The following BTBD9 variants were observed in gnomAD, a reference collection of about 807,000 sequenced individuals.
BTBD9 encodes the protein BTB domain containing 9.
Under a neutral mutation model 64.3 loss-of-function variants are expected in BTBD9, and 49 were observed. The observed-to-expected ratio is 0.76, with a 90% CI of 0.61 to 0.97. The LOEUF is 0.97. Ranked by LOEUF, BTBD9 falls within the 50% of genes least tolerant of loss-of-function variation. The probability of loss-of-function intolerance (pLI) is 0.00; values close to 1 mark genes in which losing one functional copy is unlikely to be tolerated. For synonymous variants in BTBD9, 260 were observed against 274.7 expected, an observed-to-expected ratio of 0.95 and a Z score of 0.53; for missense variants, 598 against 762.1, an observed-to-expected ratio of 0.78 and a Z score of 2.53.
intron 6 of BTBD9, among the ~76,000 whole-genome samples, chr6:38,422,931 G>C (rs536458993): frequency 6.6e-6 from 1 of 152,144 alleles, no homozygotes; most frequent in Non-Finnish European, 1.5e-5. Flanking sequence ...GACCAGGTAA[G>C]TCAGATACAT....
chr6:38,216,236 A>G (rs1763004604), intron 9 of BTBD9, among the ~76,000 whole-genome samples: 1 of 152,194 alleles, frequency 6.6e-6, no homozygotes, highest in African/African-American at 2.4e-5. Context: ...CCCTTGGGGT[A>G]TCCATCTTTG....
At chr6:38,412,076 C>G (rs1377263062) in intron 6 of BTBD9, among the ~76,000 whole-genome samples, 1 of 151,926 alleles carries the variant, frequency 6.6e-6, no homozygotes, top group Non-Finnish European at 1.5e-5. Flanking sequence ...TCCTATGTGA[C>G]TCATCATCCA....
chr6:38,238,882 G>C (rs989842386), intron 9 of BTBD9, among the ~76,000 whole-genome samples: 5 of 152,220 alleles, frequency 3.3e-5, no homozygotes, highest in African/African-American at 1.2e-4. Context: ...GTTAATGCTG[G>C]TCAGCTTTCC....
intron 8 of BTBD9, among the ~76,000 whole-genome samples, chr6:38,269,267 C>T (rs543253821): frequency 6.6e-6 from 1 of 152,040 alleles, no homozygotes; most frequent in African/African-American, 2.4e-5. Flanking sequence ...TTCTTATAAA[C>T]AAAAGATAAT....
intron 8 of BTBD9, among the ~76,000 whole-genome samples, chr6:38,265,441 G>A (rs563156553): frequency 6.6e-6 from 1 of 151,936 alleles, no homozygotes; most frequent in South Asian, 2.1e-4. Flanking sequence ...GGATATAACT[G>A]TGGAAAGCTG....
At chr6:38,408,783 CT>C (rs1176835986) in intron 6 of BTBD9, among the ~76,000 whole-genome samples, 1 of 152,172 alleles carries the variant, frequency 6.6e-6, no homozygotes, top group East Asian at 1.9e-4. Context: ...GTCTTTACCC[CT>C]CTTTGTCCGA....
intron 9 of BTBD9, among the ~76,000 whole-genome samples, chr6:38,210,755 A>T (rs1345101786): frequency 1.3e-5 from 2 of 152,180 alleles, no homozygotes; most frequent in African/African-American, 4.8e-5. Flanking sequence ...TTTTGAAGAG[A>T]TGTGTTCTTT....
intron 8 of BTBD9, among the ~76,000 whole-genome samples, chr6:38,265,248 T>A (rs1443876193): frequency 6.6e-6 from 1 of 152,080 alleles, no homozygotes; most frequent in African/African-American, 2.4e-5. Context: ...GGCTCCACTG[T>A]GTAGGCTGGC....
intron 6 of BTBD9, among the ~76,000 whole-genome samples, chr6:38,475,459 G>A (rs776658157): frequency 9.2e-5 from 14 of 152,168 alleles, no homozygotes; most frequent in African/African-American, 3.4e-4. Flanking sequence ...CTGCAGCTAT[G>A]GGTCTGTGAG....
At chr6:38,396,481 C>T (rs1194267096) in intron 6 of BTBD9, among the ~76,000 whole-genome samples, 1 of 152,070 alleles carries the variant, frequency 6.6e-6, no homozygotes, top group African/African-American at 2.4e-5. Flanking sequence ...AAAATTAGGG[C>T]GAAGCCGTGT....
chr6:38,282,547 C>T (rs1205765006), intron 8 of BTBD9, among the ~76,000 whole-genome samples: 15 of 152,254 alleles, frequency 9.9e-5, no homozygotes, highest in Admixed American at 6.5e-5. Context: ...GCTCTGATGG[C>T]GCTGAAGAAA....
intron 10 of BTBD9, chr6:38,179,596 C>T: frequency 2.2e-6 from 1 of 456,772 alleles, no homozygotes; most frequent in Non-Finnish European, 4.4e-6. Flanking sequence ...GCCCTCAGGA[C>T]CTCTCAGGCA....
At chr6:38,395,748 C>G (rs956703876) in intron 6 of BTBD9, among the ~76,000 whole-genome samples, 1 of 150,290 alleles carries the variant, frequency 6.7e-6, no homozygotes, top group Non-Finnish European at 1.5e-5. Flanking sequence ...CTCGGTCTGT[C>G]GCCCAGGCTG....
intron 5 of BTBD9, among the ~76,000 whole-genome samples, chr6:38,579,737 G>A (rs900584624): frequency 4.6e-5 from 7 of 152,036 alleles, no homozygotes; most frequent in African/African-American, 1.4e-4. Flanking sequence ...AATACAAAAC[G>A]ACTATTAAAA....
intron 6 of BTBD9, among the ~76,000 whole-genome samples, chr6:38,433,940 C>T (rs1452040965): frequency 6.6e-6 from 1 of 151,896 alleles, no homozygotes. Flanking sequence ...GAGGACTAAG[C>T]TCTGATTTTT....
intron 7 of BTBD9, among the ~76,000 whole-genome samples, chr6:38,326,420 C>T (rs888919109): frequency 2.0e-5 from 3 of 152,086 alleles, no homozygotes; most frequent in Admixed American, 1.3e-4. Flanking sequence ...AGTGATTTCG[C>T]GTAAGAGAGC....
intron 8 of BTBD9, among the ~76,000 whole-genome samples, chr6:38,265,871 A>T (rs1422595347): frequency 6.6e-6 from 1 of 152,204 alleles, no homozygotes; most frequent in African/African-American, 2.4e-5. Context: ...ACTTCTTAGA[A>T]AGATTAAGTT....
intron 1 of BTBD9, among the ~76,000 whole-genome samples, chr6:38,613,533 G>A (rs1462416095): frequency 6.6e-6 from 1 of 152,104 alleles, no homozygotes; most frequent in Non-Finnish European, 1.5e-5. Context: ...GTGGGGTGCA[G>A]GAGGTGGAGG....
At chr6:38,465,759 A>C (rs1390852540) in intron 6 of BTBD9, among the ~76,000 whole-genome samples, 2 of 54,796 alleles carry the variant, frequency 3.6e-5, no homozygotes, top group East Asian at 2.2e-3. Context: ...ATATATATGT[A>C]TGTATGTATG....
Sources: allele counts gnomAD v4.1 joint callset (sites outside exome capture counted in the v4.1 genomes callset), GRCh38; gene constraint gnomAD v4.1.1; transcripts MANE v1.5; gene names NCBI Gene and HGNC (gene_info 2026-07-23, HGNC 2026-07-21).